Variants in SWT1 observed in about 807,000 individuals in gnomAD.
SWT1 encodes the protein SWT1 RNA endoribonuclease homolog, also known as transcriptional protein SWT1.
Under a neutral mutation model 107.3 loss-of-function variants are expected in SWT1, and 33 were observed. That is an observed-to-expected ratio of 0.31 (90% CI 0.23 to 0.41). The LOEUF (loss-of-function observed/expected upper bound fraction) is 0.41. Ranked by LOEUF, SWT1 falls within the 10% of genes least tolerant of loss-of-function variation. SWT1 has a pLI of 1.00. For synonymous variants in SWT1, 345 were observed against 348.3 expected (o/e 0.99, Z 0.11); for missense variants, 898 against 1,028.9 (o/e 0.87, Z 1.74).
At chr1:185,230,113 T>C (rs1208533190) in intron 15 of SWT1, among the ~76,000 whole-genome samples, 4 of 152,232 alleles carry the variant, frequency 2.6e-5, no homozygotes, top group African/African-American at 9.6e-5. Context: ...ACGACAGTTA[T>C]AAAAGGAATA....
chr1:185,217,125 C>A (rs1466750366), intron 14 of SWT1, among the ~76,000 whole-genome samples: 1 of 152,220 alleles, frequency 6.6e-6, no homozygotes, highest in Non-Finnish European at 1.5e-5. Flanking sequence ...AGTGTGATTA[C>A]TTGAAACCAT....
chr1:185,167,668 T>G (rs139780292), intron 3 of SWT1, among the ~76,000 whole-genome samples: 2 of 152,362 alleles, frequency 1.3e-5, no homozygotes, highest in East Asian at 3.9e-4. Context: ...TATCCAGTTT[T>G]CTTTTTTTTG....
At chr1:185,203,027 A>G (rs1192853904) in intron 11 of SWT1, among the ~76,000 whole-genome samples, 1 of 152,200 alleles carries the variant, frequency 6.6e-6, no homozygotes, top group Non-Finnish European at 1.5e-5. Flanking sequence ...AATTAATTTG[A>G]TGTTTTTGTC....
In SWT1 at chr1:185,271,304, T is replaced by A. The variant is rs755984293; in HGVS notation, c.2442-19T>A. ...TGAAATCATTTATTCCCCCCCTTTG[T>A]TTTTATTTTATTTTTTAGGATTTTG... On this transcript the variant is annotated intron_variant, in intron 16 of 18. Coordinates refer to ENST00000367500, the MANE Select transcript of SWT1 (RefSeq NM_017673.7). 9 of 1,377,112 alleles carry A rather than the reference T, an allele frequency of 6.5e-6. No individual in the cohort carries two copies. The highest frequency in any genetic ancestry group is 9.3e-6 in the Non-Finnish European group (9 of 966,314). 85.3% of individuals were successfully genotyped at this position (1,377,112 alleles called of 1,614,324 possible).
At chr1:185,179,490 T>C (rs938885556) in intron 5 of SWT1, among the ~76,000 whole-genome samples, 2 of 152,186 alleles carry the variant, frequency 1.3e-5, no homozygotes, top group Non-Finnish European at 2.9e-5. Context: ...AGACTTTGTT[T>C]GAAGACAAAA....
rs189750873 is a variant in SWT1 at position 185,163,899 on chromosome 1, A to G, written c.85-2673A>G. Reference sequence around the variant, plus strand: ...ACAAATCATGAGTGTTCTAAATGGCATCTAGAATGGGGAATCCTTTCTAGA... The same window carrying G: ...ACAAATCATGAGTGTTCTAAATGGCGTCTAGAATGGGGAATCCTTTCTAGA... On this transcript the variant is annotated intron_variant, in intron 2 of 18. Transcript: ENST00000367500. Among the ~76,000 whole-genome samples, 13 of 152,336 alleles carry G rather than the reference A, an allele frequency of 8.5e-5. No homozygotes were observed. The East Asian group carries it at 2.1e-3, about 25-fold the overall frequency.
chr1:185,228,353 T>G (rs1289496411), intron 15 of SWT1, among the ~76,000 whole-genome samples: 1 of 151,784 alleles, frequency 6.6e-6, no homozygotes, highest in Non-Finnish European at 1.5e-5. Flanking sequence ...AGACCTCATC[T>G]TTACTAGAAA....
chr1:185,198,205 C>T (rs1657564688), intron 10 of SWT1, among the ~76,000 whole-genome samples: 2 of 152,170 alleles, frequency 1.3e-5, no homozygotes, highest in Admixed American at 1.3e-4. Flanking sequence ...ACTCGGTAGT[C>T]ATTCAGGAGC....
chr1:185,171,520 T>C, intron 4 of SWT1: 1 of 354,444 alleles, frequency 2.8e-6, no homozygotes, highest in Non-Finnish European at 5.5e-6. Flanking sequence ...CCCTTGCTCC[T>C]TTTGATCACA....
intron 16 of SWT1, among the ~76,000 whole-genome samples, chr1:185,265,927 A>G (rs1049306021): frequency 1.3e-5 from 2 of 152,144 alleles, no homozygotes; most frequent in Admixed American, 6.5e-5. Flanking sequence ...ACTCTCTACA[A>G]CTGTTTTAAA....
At chr1:185,171,128 G>A (rs1334531400) in intron 4 of SWT1, among the ~76,000 whole-genome samples, 2 of 150,966 alleles carry the variant, frequency 1.3e-5, no homozygotes, top group African/African-American at 2.4e-5. Context: ...TTCTATTCTG[G>A]TATTACCATT....
Position 185,158,998 on chromosome 1 carries a change from G to A in SWT1, c.-10+1684G>A, listed in dbSNP as rs144095495. Among the ~76,000 whole-genome samples, 114 of 152,298 alleles carry A rather than the reference G, an allele frequency of 7.5e-4. 1 individual carries two copies. The highest frequency in any genetic ancestry group is 3.4e-3 in the Middle Eastern group (1 of 294). On this transcript the variant is annotated intron_variant, in intron 1 of 18. Transcript: ENST00000367500. ...CATGCCTGGCTGTTAGTTGGTTCTG[G>A]TTGTTGGCAAGATGCCAGTAGTTCT...
intron 4 of SWT1, chr1:185,171,186 T>A (rs1042226666): frequency 1.3e-5 from 2 of 153,706 alleles, no homozygotes; most frequent in Non-Finnish European, 2.9e-5. Context: ...TAGTTACAAA[T>A]GAGTGCATGG....
At chr1:185,258,826 CT>C (rs1316211568) in intron 16 of SWT1, among the ~76,000 whole-genome samples, 36 of 151,832 alleles carry the variant, frequency 2.4e-4, no homozygotes, top group Non-Finnish European at 4.0e-4. Context: ...ATGTGGTATG[CT>C]TTTTTCAGTC....
In SWT1 at chr1:185,243,557, A is replaced by T. The variant is rs560297593; in HGVS notation, c.2441+11849A>T. ...CAATAGTAAGAAAAGTTTGATTTTA[A>T]CTCAGGACAGTGTTTTCCACATAGA... On this transcript the variant is annotated intron_variant, in intron 16 of 18. Coordinates refer to ENST00000367500, the MANE Select transcript of SWT1 (RefSeq NM_017673.7). Among the ~76,000 whole-genome samples the T allele has an allele frequency of 2.0e-5, 3 of 152,322 alleles. No individual in the cohort carries two copies. In the South Asian group the frequency reaches 6.2e-4, roughly 32 times the overall value.
chr1:185,284,320 T>C (rs879311117), intron 18 of SWT1, among the ~76,000 whole-genome samples: 12 of 152,250 alleles, frequency 7.9e-5, no homozygotes, highest in Non-Finnish European at 1.3e-4. Flanking sequence ...CTTTCTGTTA[T>C]TAGAATTCTT....
At chr1:185,165,150 A>T (rs957439918) in intron 2 of SWT1, among the ~76,000 whole-genome samples, 1 of 152,144 alleles carries the variant, frequency 6.6e-6, no homozygotes, top group Non-Finnish European at 1.5e-5. Context: ...GTGAAACAGA[A>T]CACATGCAAC....
chr1:185,254,680 A>G (rs529402019), intron 16 of SWT1, among the ~76,000 whole-genome samples: 3,153 of 150,606 alleles, frequency 0.021, 46 homozygotes, highest in Middle Eastern at 0.034. Context: ...TTTTTTCTTT[A>G]TTAGTCTTGC....
At chr1:185,241,005 A>T (rs1432493828) in intron 16 of SWT1, among the ~76,000 whole-genome samples, 1 of 152,106 alleles carries the variant, frequency 6.6e-6, no homozygotes, top group African/African-American at 2.4e-5. Context: ...TTTTGAGATA[A>T]AATTTTATTA....
Sources: gnomAD v4.1 joint callset for allele counts (sites outside exome capture counted in the v4.1 genomes callset) on GRCh38, gnomAD v4.1.1 for gene constraint, MANE v1.5 for transcripts, NCBI Gene and HGNC (gene_info 2026-07-23, HGNC 2026-07-21) for gene names.